Variants in DGKG observed in about 807,000 individuals in gnomAD.
The protein encoded by DGKG is DAG kinase gamma.
In DGKG, 78 loss-of-function variants were observed where a neutral mutation model predicts 105.3. That is an observed-to-expected ratio of 0.74 (90% CI 0.62 to 0.89). The LOEUF is 0.89. Ranked by LOEUF, DGKG falls within the 40% of genes least tolerant of loss-of-function variation. The pLI, the probability that DGKG is intolerant of heterozygous loss-of-function variation, is 0.00. For synonymous variants in DGKG, 346 were observed against 367.1 expected (o/e 0.94, Z 0.66); for missense variants, 958 against 1,020.1 (o/e 0.94, Z 0.83).
intron 8 of DGKG, among the ~76,000 whole-genome samples, chr3:186,280,376 T>C (rs924807170): frequency 3.3e-5 from 5 of 152,258 alleles, no homozygotes; most frequent in Admixed American, 3.3e-4. Context: ...TTCTTTCTAA[T>C]AGAAATCTCT....
At chr3:186,259,670 C>G (rs188660997) in intron 16 of DGKG, among the ~76,000 whole-genome samples, 1 of 152,076 alleles carries the variant, frequency 6.6e-6, no homozygotes, top group African/African-American at 2.4e-5. Context: ...CAAGCCCAGC[C>G]CAGAGTATGC....
intron 1 of DGKG, among the ~76,000 whole-genome samples, chr3:186,321,850 G>A (rs1725092471): frequency 6.6e-6 from 1 of 152,180 alleles, no homozygotes; most frequent in Non-Finnish European, 1.5e-5. Flanking sequence ...GCAAGGAAAT[G>A]AGAGACCCAC....
At chr3:186,338,169 C>CAAAAAAAAA (rs34436386) in intron 1 of DGKG, among the ~76,000 whole-genome samples, 2 of 75,826 alleles carry the variant, frequency 2.6e-5, no homozygotes, top group Admixed American at 1.4e-4. Flanking sequence ...GACCCTATCT[C>CAAAAAAAAA]AAAAAAAAAA....
At position 186,220,696 on chromosome 3, in the gene DGKG, G is replaced by T. The variant is rs185199239; in HGVS notation, c.1827-8811C>A. 2.4e-3 allele frequency among the ~76,000 whole-genome samples: 361 copies of T among 152,228 alleles called. 1 individual carries two copies. The highest frequency in any genetic ancestry group is 4.3e-3 in the Non-Finnish European group (292 of 68,014). ...CTCTTTAGCAGAGTCCATGATCTGG[G>T]CCTCCCCATTGGTCTCCAGTCTCCA... On this transcript the variant is annotated intron_variant, in intron 20 of 24. Coordinates refer to ENST00000265022, the MANE Select transcript of DGKG (RefSeq NM_001346.3).
At chr3:186,252,995 G>T in intron 18 of DGKG, 98 bp downstream of exon 18, 1 of 1,005,168 alleles carries the variant, frequency 9.9e-7, no homozygotes. Flanking sequence ...GCTGCGGAAT[G>T]TGATCCATAA....
chr3:186,259,827 A>T (rs1403309796), intron 16 of DGKG, among the ~76,000 whole-genome samples: 2 of 152,194 alleles, frequency 1.3e-5, no homozygotes, highest in Non-Finnish European at 2.9e-5. Context: ...AGCCGCAGAC[A>T]CAGGGACCAC....
At chr3:186,258,599 A>G (rs548940198) in intron 16 of DGKG, among the ~76,000 whole-genome samples, 1 of 152,302 alleles carries the variant, frequency 6.6e-6, no homozygotes, top group South Asian at 2.1e-4. Flanking sequence ...AACCATACCC[A>G]TGACTTTGTC....
At chr3:186,256,454 A>G (rs1721477911) in intron 17 of DGKG, among the ~76,000 whole-genome samples, 1 of 151,938 alleles carries the variant, frequency 6.6e-6, no homozygotes, top group African/African-American at 2.4e-5. Context: ...ACTTCTCACC[A>G]CCACTCTGTT....
Position 186,297,395 on chromosome 3 carries a change from A to G in DGKG, c.373+26T>C, listed in dbSNP as rs202040378. ...GGATGAGGTATTCCCTACTTTTCCC[A>G]CAAGTCTTATATTCCAAAGACTTAC... On this transcript the variant is annotated intron_variant, in intron 5 of 24. Transcript: ENST00000265022. 3.5e-3 allele frequency: 5,493 copies of G among 1,582,520 alleles called. 19 individuals carry two copies. Among genetic ancestry groups the G allele is most frequent in the Non-Finnish European group, 4.4e-3 (5,108 of 1,151,256 alleles).
At chr3:186,321,660 G>C (rs1460188484) in intron 1 of DGKG, among the ~76,000 whole-genome samples, 2 of 152,206 alleles carry the variant, frequency 1.3e-5, no homozygotes, top group African/African-American at 2.4e-5. Context: ...GGGGTTCCTG[G>C]AGCATATGAG....
intron 22 of DGKG, among the ~76,000 whole-genome samples, chr3:186,184,152 A>G (rs1207317074): frequency 1.3e-5 from 2 of 151,674 alleles, no homozygotes; most frequent in African/African-American, 2.4e-5. Flanking sequence ...TTATTATACT[A>G]TGTTCCAGGC....
rs142541389 is a variant in DGKG at position 186,309,625 on chromosome 3, A to G, written c.68-2648T>C. On this transcript the variant is annotated intron_variant, in intron 2 of 24. Coordinates refer to ENST00000265022, the MANE Select transcript of DGKG (RefSeq NM_001346.3). ...GTTAGCTCAGCCAAAATGGCTAAAT[A>G]AAAAAAATAAAAATCTGAGAACATG... Among the ~76,000 whole-genome samples, 525 of 152,194 alleles carry G rather than the reference A, an allele frequency of 3.4e-3. 7 individuals carry two copies. The highest frequency in any genetic ancestry group is 0.011 in the African/African-American group (474 of 41,512).
chr3:186,353,705 T>TCTATATCTATATCTATATCTA (rs1553825822), intron 1 of DGKG, among the ~76,000 whole-genome samples: 10 of 114,856 alleles, frequency 8.7e-5, no homozygotes, highest in African/African-American at 3.7e-4. Context: ...TATATCTATA[T>TCTATATCTATATCTATATCTA]AACAGTGGAC....
Position 186,362,198 on chromosome 3 carries a change from A to AG in DGKG, c.-502dup. 1 of 152,282 alleles carries AG rather than the reference A, an allele frequency of 6.6e-6. No homozygotes were observed. The highest frequency in any genetic ancestry group is 2.1e-4 in the South Asian group (1 of 4,820). 9.4% of individuals were successfully genotyped at this position (152,282 alleles called of 1,614,324 possible). A position where few individuals can be genotyped will look rare whatever the true frequency, so the allele number is the denominator to read the frequency against. On this transcript the variant is annotated 5_prime_UTR_variant, in exon 1 of 25. Coordinates refer to ENST00000265022, the MANE Select transcript of DGKG (RefSeq NM_001346.3). Reference sequence around the variant, plus strand: ...TGTGCTCGGAGTTCAGCAGCTCCAAAGCTGTCTATCTCCGTGGCCCGCTAC... The same window carrying AG: ...TGTGCTCGGAGTTCAGCAGCTCCAAAGGCTGTCTATCTCCGTGGCCCGCTAC...
At chr3:186,344,399 C>T (rs1225159505) in intron 1 of DGKG, among the ~76,000 whole-genome samples, 1 of 152,072 alleles carries the variant, frequency 6.6e-6, no homozygotes, top group African/African-American at 2.4e-5. Flanking sequence ...GGAATATATA[C>T]AGTGATAAAA....
chr3:186,149,978 GTGTGTA>G lies in DGKG; in HGVS notation c.*106_*111del. The G allele has an allele frequency of 6.8e-7, 1 of 1,462,970 alleles. No homozygotes were observed. Among genetic ancestry groups the G allele is most frequent in the South Asian group, 1.4e-5 (1 of 70,134 alleles). 90.6% of individuals were successfully genotyped at this position (1,462,970 alleles called of 1,614,324 possible). ...CTTTGCTTCCACTGGTTAGAGAAGA[GTGTGTA>G]TGTGTGTGTGTGTGTGCATGTGTGA... is the stretch of plus-strand genomic sequence containing the variant. On this transcript the variant is annotated 3_prime_UTR_variant, in exon 25 of 25. Transcript: ENST00000265022.
chr3:186,291,224 C>T (rs751647199), intron 5 of DGKG, among the ~76,000 whole-genome samples: 9 of 152,274 alleles, frequency 5.9e-5, no homozygotes, highest in Non-Finnish European at 1.0e-4. Flanking sequence ...GGGAATCCTA[C>T]GCAACCCTTT....
rs142463961 is a variant in DGKG at position 186,179,031 on chromosome 3, C to A, written c.2095+9171G>T. Among the ~76,000 whole-genome samples, 391 of 152,342 alleles carry A rather than the reference C, an allele frequency of 2.6e-3. 6 individuals carry two copies. The South Asian group carries it at 0.037, about 14-fold the overall frequency. ...AAAACTTCAGCGTATGTGCGATCAC[C>A]AGCAGATCTTGTTGAAATACAGACT... On this transcript the variant is annotated intron_variant, in intron 22 of 24. Coordinates refer to ENST00000265022, the MANE Select transcript of DGKG (RefSeq NM_001346.3).
chr3:186,260,637 A>C, intron 15 of DGKG, 124 bp from the exon 16 acceptor site: 1 of 738,930 alleles, frequency 1.4e-6, no homozygotes, highest in East Asian at 2.7e-5. Context: ...GTTCATTTAA[A>C]CCCCGGAGGG....
Sources: allele counts gnomAD v4.1 joint callset (sites outside exome capture counted in the v4.1 genomes callset), GRCh38; gene constraint gnomAD v4.1.1; transcripts MANE v1.5; gene names NCBI Gene and HGNC (gene_info 2026-07-23, HGNC 2026-07-21).